Variants in MCTP2 observed in about 807,000 individuals in gnomAD.
MCTP2 encodes multiple C2 and transmembrane domain containing 2, also known as multiple C2 and transmembrane domain-containing protein 2.
In MCTP2, 132 loss-of-function variants were observed where a neutral mutation model predicts 111.6. The ratio of observed to expected loss-of-function variants is 1.18; its 90% CI spans 1.03 to 1.37. The LOEUF (loss-of-function observed/expected upper bound fraction) is 1.37. MCTP2 is among the 40% of genes most tolerant of loss of function. The probability of loss-of-function intolerance (pLI) is 0.00; values close to 1 mark genes in which losing one functional copy is unlikely to be tolerated. For missense variants in MCTP2, 1,183 were observed against 1,067.9 expected (o/e 1.11, Z -1.50); for synonymous variants, 395 against 387.7 (o/e 1.02, Z -0.22).
In MCTP2 at chr15:94,483,811, A is replaced by T. The variant is rs1460474529; in HGVS notation, c.*4777A>T. The T allele has an allele frequency of 6.6e-6, 1 of 152,202 alleles. No individual in the cohort carries two copies. The highest frequency in any genetic ancestry group is 2.4e-5 in the African/African-American group (1 of 41,448). 9.4% of individuals were successfully genotyped at this position (152,202 alleles called of 1,614,324 possible). On this transcript the variant is annotated 3_prime_UTR_variant, in exon 23 of 23. Transcript: ENST00000357742. Reference sequence around the variant, plus strand: ...ATGACAAGCCTCTCTGACACAGTTTACCTATGTAACAAACCTGCACAGTTA... The same window carrying T: ...ATGACAAGCCTCTCTGACACAGTTTTCCTATGTAACAAACCTGCACAGTTA...
intron 17 of MCTP2, chr15:94,402,989 TGGG>T (rs1254708483): frequency 1.0e-6 from 1 of 995,158 alleles, no homozygotes; most frequent in Non-Finnish European, 1.2e-6. Context: ...ATATAAAAAA[TGGG>T]GGAAAAAAAA....
At chr15:94,257,566 GTTGTTTTTTTTTTT>G (rs1334100749) in intron 1 of MCTP2, among the ~76,000 whole-genome samples, 2,175 of 72,988 alleles carry the variant, frequency 0.03, 267 homozygotes, top group Middle Eastern at 0.057. Context: ...CATTTTCTTT[GTTGTTTTTTTTTTT>G]TTTTTTTTTT....
At chr15:94,335,538 A>C (rs897405193) in intron 4 of MCTP2, among the ~76,000 whole-genome samples, 1 of 152,242 alleles carries the variant, frequency 6.6e-6, no homozygotes, top group Non-Finnish European at 1.5e-5. Context: ...CATAAGCAAA[A>C]GACAAAACCA....
intron 1 of MCTP2, among the ~76,000 whole-genome samples, chr15:94,257,071 C>T (rs1209273464): frequency 2.6e-5 from 4 of 152,178 alleles, no homozygotes; most frequent in Non-Finnish European, 5.9e-5. Flanking sequence ...ACTGATAGAT[C>T]AGGCAGATCT....
chr15:94,473,816 C>T (rs1461091082), intron 21 of MCTP2, among the ~76,000 whole-genome samples: 4 of 152,190 alleles, frequency 2.6e-5, no homozygotes, highest in Admixed American at 2.0e-4. Flanking sequence ...CAGTGTATTA[C>T]AGTTGGAGCT....
At chr15:94,340,335 G>T in intron 6 of MCTP2, 60 bp downstream of exon 6, 1 of 1,209,836 alleles carries the variant, frequency 8.3e-7, no homozygotes, top group Non-Finnish European at 1.2e-6. Context: ...TTACGATAAT[G>T]TTAAATGGTG....
intron 1 of MCTP2, among the ~76,000 whole-genome samples, chr15:94,282,662 A>G (rs988643624): frequency 1.3e-5 from 2 of 152,156 alleles, no homozygotes; most frequent in Non-Finnish European, 2.9e-5. Flanking sequence ...TCTCATCTGT[A>G]TGGGCTGATG....
Position 94,346,195 on chromosome 15 carries a change from G to A in MCTP2, c.1005+1031G>A, listed in dbSNP as rs529339828. On this transcript the variant is annotated intron_variant, in intron 8 of 22. Transcript: ENST00000357742. ...CTTTTACTAGTCACTTAAGAAGAAA[G>A]CAAACTTTCAAATCTTGCTTTTGAA... Among the ~76,000 whole-genome samples the A allele has an allele frequency of 2.6e-5, 4 of 152,186 alleles. No homozygotes were observed. In the South Asian group the frequency reaches 8.3e-4, roughly 32 times the overall value.
Position 94,345,173 on chromosome 15 carries a change from A to G in MCTP2, c.1005+9A>G. The G allele has an allele frequency of 6.2e-7, 1 of 1,610,570 alleles. No individual in the cohort carries two copies. Among genetic ancestry groups the G allele is most frequent in the Non-Finnish European group, 8.5e-7 (1 of 1,177,796 alleles). On this transcript the variant is annotated intron_variant, in intron 8 of 22. Transcript: ENST00000357742. ...GATTAAGTGCCAGCAAGGTAAATAT[A>G]CTTTTTTTTCCTTTAGATCATTTGG...
chr15:94,390,109 T>TATATATGC (rs1567603403), intron 14 of MCTP2, among the ~76,000 whole-genome samples: 2 of 38,850 alleles, frequency 5.1e-5, no homozygotes, highest in African/African-American at 1.2e-4. Context: ...TATATATATA[T>TATATATGC]ATATGTATAT....
chr15:94,423,228 T>A (rs2082711501), intron 17 of MCTP2, among the ~76,000 whole-genome samples: 1 of 152,220 alleles, frequency 6.6e-6, no homozygotes, highest in Non-Finnish European at 1.5e-5. Flanking sequence ...AAAAACATGA[T>A]GGCAGCCATT....
chr15:94,414,768 G>A (rs1043002175), intron 17 of MCTP2, among the ~76,000 whole-genome samples: 2 of 152,102 alleles, frequency 1.3e-5, no homozygotes, highest in African/African-American at 4.8e-5. Context: ...AAAAAGTGTG[G>A]CATGTTTTGG....
intron 14 of MCTP2, among the ~76,000 whole-genome samples, chr15:94,393,756 G>A (rs1432944298): frequency 6.6e-6 from 1 of 151,942 alleles, no homozygotes; most frequent in African/African-American, 2.4e-5. Flanking sequence ...AAAACTTAAA[G>A]AAGTCAAAAT....
chr15:94,332,665 T>C (rs945253527), intron 4 of MCTP2, among the ~76,000 whole-genome samples: 4 of 152,184 alleles, frequency 2.6e-5, no homozygotes, highest in Non-Finnish European at 5.9e-5. Context: ...ACAACTACTT[T>C]GGGAAATACA....
intron 14 of MCTP2, among the ~76,000 whole-genome samples, chr15:94,393,910 C>T (rs921412837): frequency 2.0e-5 from 3 of 151,458 alleles, no homozygotes; most frequent in East Asian, 1.9e-4. Context: ...ATTAGCTGGG[C>T]GTGGTGGCGT....
At chr15:94,468,865 T>C (rs1232616364) in intron 20 of MCTP2, among the ~76,000 whole-genome samples, 8 of 152,162 alleles carry the variant, frequency 5.3e-5, no homozygotes, top group African/African-American at 1.9e-4. Flanking sequence ...TGAGCTCAAG[T>C]GATCTGCCCA....
At chr15:94,298,176 T>G in intron 1 of MCTP2, 25 bp from the exon 2 acceptor site, 2 of 994,382 alleles carry the variant, frequency 2.0e-6, no homozygotes, top group Non-Finnish European at 2.8e-6. Flanking sequence ...TTGTTTGTTT[T>G]TTGTTGTTTT....
At chr15:94,352,485 T>G (rs140940172) in intron 8 of MCTP2, among the ~76,000 whole-genome samples, 34 of 152,272 alleles carry the variant, frequency 2.2e-4, no homozygotes, top group African/African-American at 7.5e-4. Context: ...GGTCTGATCC[T>G]TTGGGAGGAA....
intron 2 of MCTP2, among the ~76,000 whole-genome samples, chr15:94,303,497 A>G (rs1222360927): frequency 1.3e-5 from 2 of 152,128 alleles, no homozygotes; most frequent in Non-Finnish European, 2.9e-5. Flanking sequence ...ACACCCTCAC[A>G]GACACACCCA....
Sources: gnomAD v4.1 joint callset for allele counts (sites outside exome capture counted in the v4.1 genomes callset) on GRCh38, gnomAD v4.1.1 for gene constraint, MANE v1.5 for transcripts, NCBI Gene and HGNC (gene_info 2026-07-23, HGNC 2026-07-21) for gene names.